The following CDH4 variants were observed in gnomAD, a reference collection of about 807,000 sequenced individuals.
CDH4 encodes the protein cadherin 4.
CDH4 carries 33 observed loss-of-function variants against 86.0 expected under a neutral mutation model. The observed-to-expected ratio is 0.38, with a 90% confidence interval of 0.29 to 0.51. The LOEUF is 0.51. Among genes scored for constraint, CDH4 ranks in the 20% least tolerant of loss-of-function variants. The probability of loss-of-function intolerance (pLI) is 0.86; values close to 1 mark genes in which losing one functional copy is unlikely to be tolerated. For missense variants in CDH4, 1,114 were observed against 1,307.4 expected (o/e 0.85, Z 2.28); for synonymous variants, 555 against 549.4 (o/e 1.01, Z -0.14).
chr20:61,799,907 C>T (rs1002146287), intron 4 of CDH4, among the ~76,000 whole-genome samples: 1 of 152,176 alleles, frequency 6.6e-6, no homozygotes, highest in African/African-American at 2.4e-5. Context: ...TCTGCAGTGG[C>T]TCTGCCCCGC....
intron 2 of CDH4, among the ~76,000 whole-genome samples, chr20:61,328,495 A>G (rs1244846001): frequency 2.0e-5 from 3 of 152,230 alleles, no homozygotes; most frequent in South Asian, 2.1e-4. Flanking sequence ...GTTTTTAAAA[A>G]TAGTTTTGCC....
chr20:61,604,064 C>T (rs1020824001), intron 2 of CDH4, among the ~76,000 whole-genome samples: 2 of 152,192 alleles, frequency 1.3e-5, no homozygotes, highest in African/African-American at 4.8e-5. Flanking sequence ...CCTGCCGAGC[C>T]TCCCCTTACC....
chr20:61,479,972 T>G (rs1164762892), intron 2 of CDH4, among the ~76,000 whole-genome samples: 1 of 152,236 alleles, frequency 6.6e-6, no homozygotes, highest in Non-Finnish European at 1.5e-5. Flanking sequence ...CCATCTGCTA[T>G]GAATCACATT....
At chr20:61,431,359 G>GT (rs34959436) in intron 2 of CDH4, among the ~76,000 whole-genome samples, 9,476 of 129,930 alleles carry the variant, frequency 0.073, 440 homozygotes, top group Non-Finnish European at 0.1. Context: ...TTTTTTGTTG[G>GT]TTTTTTTTTT....
chr20:61,427,432 C>T (rs971788656), intron 2 of CDH4, among the ~76,000 whole-genome samples: 4 of 152,262 alleles, frequency 2.6e-5, no homozygotes, highest in South Asian at 2.1e-4. Context: ...ATCAGAACGT[C>T]GTCTTCCCTG....
At chr20:61,692,841 G>GT (rs10632243) in intron 2 of CDH4, among the ~76,000 whole-genome samples, 20,125 of 143,798 alleles carry the variant, frequency 0.14, 1,517 homozygotes, top group African/African-American at 0.21. Context: ...TTTGTTTTTT[G>GT]TTTTTTTTTT....
rs569684992 is a variant in CDH4 at position 61,854,375 on chromosome 20, C to T, written c.877+1477C>T. Among the ~76,000 whole-genome samples, 4 of 152,136 alleles carry T rather than the reference C, an allele frequency of 2.6e-5. No individual in the cohort carries two copies. The South Asian group carries it at 8.3e-4, about 32-fold the overall frequency. ...AGGTGAATTATACCCTCGGTCCGCC[C>T]CCAGGGCTGCAGTGTGAACAGGGTG... is the stretch of plus-strand genomic sequence containing the variant. On this transcript the variant is annotated intron_variant, in intron 6 of 15. Transcript: ENST00000614565.
At chr20:61,737,916 C>G (rs1005544496) in intron 2 of CDH4, among the ~76,000 whole-genome samples, 2 of 152,232 alleles carry the variant, frequency 1.3e-5, no homozygotes, top group African/African-American at 4.8e-5. Context: ...ACCCCAAGAC[C>G]AGGGTAGGTG....
rs11468758 is a variant in CDH4, at chr20:61,692,275, TTG to T, written c.170-51272_170-51271del. Among the ~76,000 whole-genome samples the T allele has an allele frequency of 1.9e-3, 283 of 149,814 alleles. 3 individuals carry two copies. The highest frequency in any genetic ancestry group is 5.9e-3 in the African/African-American group (239 of 40,710). Reference sequence around the variant, plus strand: ...TATGTGTGTGTCTGTATGTGTGTCTTTGTGTGTGTGTGTGTGTCTGTGTGTGT... The same window carrying T: ...TATGTGTGTGTCTGTATGTGTGTCTTTGTGTGTGTGTGTGTCTGTGTGTGT... On this transcript the variant is annotated intron_variant, in intron 2 of 15. Transcript: ENST00000614565.
chr20:61,593,111 T>C (rs2086530020), intron 2 of CDH4, among the ~76,000 whole-genome samples: 1 of 152,200 alleles, frequency 6.6e-6, no homozygotes, highest in African/African-American at 2.4e-5. Flanking sequence ...AGGGGCACTT[T>C]AGACTCTGAC....
chr20:61,645,799 G>A (rs2087055746), intron 2 of CDH4, among the ~76,000 whole-genome samples: 3 of 152,108 alleles, frequency 2.0e-5, no homozygotes, highest in Admixed American at 2.0e-4. Flanking sequence ...GTCACAGAGT[G>A]GTGAGGTAGT....
chr20:61,592,425 A>G (rs2086524987), intron 2 of CDH4, among the ~76,000 whole-genome samples: 1 of 152,188 alleles, frequency 6.6e-6, no homozygotes, highest in Admixed American at 6.5e-5. Flanking sequence ...GAAAATGGCC[A>G]ATGGTATGGT....
chr20:61,280,488 C>T (rs897667188), intron 2 of CDH4, among the ~76,000 whole-genome samples: 5 of 152,172 alleles, frequency 3.3e-5, no homozygotes, highest in East Asian at 1.9e-4. Context: ...TCCAACATGG[C>T]GGTGGGGGCC....
chr20:61,350,567 GCC>G (rs2084705848), intron 2 of CDH4, among the ~76,000 whole-genome samples: 1 of 125,878 alleles, frequency 7.9e-6, no homozygotes, highest in African/African-American at 3.0e-5. Context: ...GGTCAGGCAG[GCC>G]CCCCACAGTG....
At chr20:61,867,561 A>AAAAG (rs56167173) in intron 6 of CDH4, among the ~76,000 whole-genome samples, 15,307 of 141,870 alleles carry the variant, frequency 0.11, 1,053 homozygotes, top group South Asian at 0.15. Flanking sequence ...AAAAAAAAAA[A>AAAAG]AGAGAGAGAG....
intron 3 of CDH4, among the ~76,000 whole-genome samples, chr20:61,763,269 T>A (rs1447748209): frequency 6.7e-6 from 1 of 149,684 alleles, no homozygotes; most frequent in African/African-American, 2.5e-5. Context: ...TCTTCCTCAC[T>A]GAACTTGGCA....
intron 2 of CDH4, among the ~76,000 whole-genome samples, chr20:61,319,473 T>C (rs2084496210): frequency 6.6e-6 from 1 of 152,160 alleles, no homozygotes; most frequent in Non-Finnish European, 1.5e-5. Flanking sequence ...TTGGCTTTGC[T>C]GAATAATGCT....
chr20:61,590,333 G>A lies in CDH4; in HGVS notation c.170-153230G>A, dbSNP rs117061528. Among the ~76,000 whole-genome samples the A allele has an allele frequency of 3.2e-3, 483 of 152,168 alleles. 1 individual carries two copies. Among genetic ancestry groups the A allele is most frequent in the Non-Finnish European group, 5.8e-3 (397 of 67,980 alleles). The stretch of plus-strand genomic sequence containing the variant: ...GGGAGATTTAAATATACTTTTGCTC[G>A]TGATCACAGGGAGCTGCGATGGCCC... On this transcript the variant is annotated intron_variant, in intron 2 of 15. Transcript: ENST00000614565.
intron 2 of CDH4, among the ~76,000 whole-genome samples, chr20:61,326,053 T>C (rs2123251546): frequency 6.6e-6 from 1 of 152,362 alleles, no homozygotes; most frequent in South Asian, 2.1e-4. Context: ...TGGAACTCAC[T>C]GTAACTACAT....
Sources: allele counts gnomAD v4.1 joint callset (sites outside exome capture counted in the v4.1 genomes callset), GRCh38; gene constraint gnomAD v4.1.1; transcripts MANE v1.5; gene names NCBI Gene and HGNC (gene_info 2026-07-23, HGNC 2026-07-21).